The following SDK1 variants were observed in gnomAD, a reference collection of about 807,000 sequenced individuals.
SDK1 encodes the protein sidekick cell adhesion molecule 1.
In SDK1, 157 loss-of-function variants were observed where a neutral mutation model predicts 245.5. The ratio of observed to expected loss-of-function variants is 0.64; its 90% CI spans 0.56 to 0.73. SDK1 has a LOEUF of 0.73. Ranked by LOEUF, SDK1 falls within the 30% of genes least tolerant of loss-of-function variation. SDK1 has a pLI of 0.00. For missense variants in SDK1, 3,583 were observed against 3,002.3 expected, an observed-to-expected ratio of 1.19 and a Z score of -4.52; for synonymous variants, 1,647 against 1,278.5, an observed-to-expected ratio of 1.29 and a Z score of -6.15.
At chr7:3,587,772 C>T (rs957646754) in intron 1 of SDK1, among the ~76,000 whole-genome samples, 2 of 152,214 alleles carry the variant, frequency 1.3e-5, no homozygotes, top group African/African-American at 4.8e-5. Flanking sequence ...GTACACTGCC[C>T]CTTGGCCTTT....
intron 40 of SDK1, 89 bp from the exon 41 acceptor site, chr7:4,233,166 C>A: frequency 7.5e-7 from 1 of 1,328,432 alleles, no homozygotes; most frequent in Non-Finnish European, 1.1e-6. Context: ...AGGGCTGCTG[C>A]AAGCCGACCC....
intron 1 of SDK1, among the ~76,000 whole-genome samples, chr7:3,551,775 G>C (rs186693744): frequency 6.9e-4 from 105 of 151,846 alleles, no homozygotes; most frequent in Admixed American, 2.7e-3. Context: ...TCGTGGGTTC[G>C]AGCAGTGTTT....
chr7:3,950,901 A>G (rs1357340065), intron 5 of SDK1, 22 bp from the exon 6 acceptor site: 1 of 1,594,070 alleles, frequency 6.3e-7, no homozygotes, highest in South Asian at 1.1e-5. Context: ...TTTCATGGAC[A>G]TTTCTCTTTT....
chr7:3,889,778 G>A (rs1244753809), intron 5 of SDK1, among the ~76,000 whole-genome samples: 2 of 152,168 alleles, frequency 1.3e-5, no homozygotes, highest in Non-Finnish European at 2.9e-5. Flanking sequence ...AAAGTGCTGG[G>A]ATTACAGGCA....
At chr7:4,073,903 A>C (rs1334012458) in intron 20 of SDK1, among the ~76,000 whole-genome samples, 2 of 152,176 alleles carry the variant, frequency 1.3e-5, no homozygotes, top group African/African-American at 4.8e-5. Context: ...GGCCACAACA[A>C]GCGATTTATC....
intron 28 of SDK1, among the ~76,000 whole-genome samples, chr7:4,143,731 C>A (rs1397140020): frequency 6.6e-6 from 1 of 152,218 alleles, no homozygotes; most frequent in African/African-American, 2.4e-5. Flanking sequence ...CACAGATCGG[C>A]ATGGGTGTTT....
intron 5 of SDK1, among the ~76,000 whole-genome samples, chr7:3,933,400 G>A (rs550424488): frequency 2.6e-5 from 4 of 152,222 alleles, no homozygotes; most frequent in East Asian, 3.9e-4. Flanking sequence ...GGTGTGAGCC[G>A]CTGCACCCAG....
chr7:3,888,571 T>C (rs1781388282), intron 5 of SDK1, among the ~76,000 whole-genome samples: 1 of 152,232 alleles, frequency 6.6e-6, no homozygotes, highest in African/African-American at 2.4e-5. Context: ...ATAATGGCAT[T>C]TTCTACAGTA....
At chr7:3,692,214 C>T (rs1220167286) in intron 4 of SDK1, among the ~76,000 whole-genome samples, 1 of 152,020 alleles carries the variant, frequency 6.6e-6, no homozygotes, top group South Asian at 2.1e-4. Context: ...AAAATTCTTT[C>T]TGATTCTAAA....
intron 4 of SDK1, among the ~76,000 whole-genome samples, chr7:3,702,320 A>G (rs957295687): frequency 8.5e-5 from 13 of 152,176 alleles, no homozygotes; most frequent in African/African-American, 3.1e-4. Flanking sequence ...AAGACGAGAC[A>G]TTTTACTATT....
chr7:4,069,730 G>A (rs375920181), intron 20 of SDK1, among the ~76,000 whole-genome samples: 19 of 152,332 alleles, frequency 1.2e-4, no homozygotes, highest in African/African-American at 3.4e-4. Context: ...CCGCACTGGC[G>A]TCCTGGATGA....
Position 4,130,070 on chromosome 7 carries a change from C to T in SDK1, c.4102C>T (p.Leu1368Phe), listed in dbSNP as rs775144271. 2 of 1,610,246 alleles carry T rather than the reference C, an allele frequency of 1.2e-6. No individual in the cohort carries two copies. The highest frequency in any genetic ancestry group is 2.2e-5 in the East Asian group (1 of 44,726). ...CGGGAACGGGGTCCCCAGCACGCCC[C>T]TCATCCTGGAGCGCACCAAAGACGA... ...RIGNGVPSTP[L>F]ILERTKDDAP... Residue 1368 changes from leucine (L) to phenylalanine (F), a missense_variant, in exon 27 of 45, where the codon CTC (leucine) becomes TTC (phenylalanine). Physicochemically the swap from Leu to Phe is conservative, Grantham distance 22. Transcript: ENST00000404826.
At chr7:4,105,772 G>A (rs1315111255) in intron 22 of SDK1, among the ~76,000 whole-genome samples, 1 of 152,202 alleles carries the variant, frequency 6.6e-6, no homozygotes, top group Non-Finnish European at 1.5e-5. Flanking sequence ...AGGCCCGGAT[G>A]CTCTCCAGAT....
intron 4 of SDK1, among the ~76,000 whole-genome samples, chr7:3,655,830 G>A (rs1783165856): frequency 6.6e-6 from 1 of 151,994 alleles, no homozygotes; most frequent in Non-Finnish European, 1.5e-5. Flanking sequence ...CTGCCACGTG[G>A]TCGCTGTGTG....
intron 7 of SDK1, among the ~76,000 whole-genome samples, chr7:3,956,761 G>C (rs1483974699): frequency 6.6e-6 from 1 of 152,032 alleles, no homozygotes; most frequent in Non-Finnish European, 1.5e-5. Context: ...TCCCTGGCTA[G>C]GGTGGAGAGA....
chr7:3,765,551 A>G (rs761575396), intron 4 of SDK1, among the ~76,000 whole-genome samples: 2 of 152,170 alleles, frequency 1.3e-5, no homozygotes, highest in Non-Finnish European at 2.9e-5. Context: ...GTCCACCTGT[A>G]TCTGTGCTCT....
rs904644363 is a variant in SDK1, at chr7:4,036,296, G to C, written c.2603-13052G>C. On this transcript the variant is annotated intron_variant, in intron 17 of 44. Coordinates refer to ENST00000404826, the MANE Select transcript of SDK1 (RefSeq NM_152744.4). The stretch of plus-strand genomic sequence containing the variant: ...GGTACAGTGTTTCTTTAGGTCGACA[G>C]TTCTTCTTTTTATTTCTTTGACAAA... Among the ~76,000 whole-genome samples, 8 of 152,288 alleles carry C rather than the reference G, an allele frequency of 5.3e-5. No individual in the cohort carries two copies. The East Asian group carries it at 1.3e-3, about 26-fold the overall frequency.
chr7:4,266,777 C>G lies in SDK1; in HGVS notation c.*1393C>G, dbSNP rs1788496273. On this transcript the variant is annotated 3_prime_UTR_variant, in exon 45 of 45. Coordinates refer to ENST00000404826, the MANE Select transcript of SDK1 (RefSeq NM_152744.4). ...GGATGGAACGGGAGCACTGCTGGTG[C>G]CCACTGGCGTGTGTGCCCCGGGTCC... 8.1e-6 allele frequency: 8 copies of G among 985,368 alleles called. No homozygotes were observed. In the South Asian group the frequency reaches 3.3e-4, roughly 40 times the overall value. 61.0% of individuals were successfully genotyped at this position (985,368 alleles called of 1,614,324 possible).
At chr7:3,527,375 T>A (rs997106428) in intron 1 of SDK1, among the ~76,000 whole-genome samples, 12 of 152,090 alleles carry the variant, frequency 7.9e-5, no homozygotes, top group African/African-American at 2.9e-4. Flanking sequence ...GATGAAGGCA[T>A]GTGCTGTGGT....
Sources: gnomAD v4.1 joint callset for allele counts (sites outside exome capture counted in the v4.1 genomes callset) on GRCh38, gnomAD v4.1.1 for gene constraint, MANE v1.5 for transcripts, NCBI Gene and HGNC (gene_info 2026-07-23, HGNC 2026-07-21) for gene names.